The following KLF18 variants were observed in gnomAD, a reference collection of about 807,000 sequenced individuals.
The protein encoded by KLF18 is KLF transcription factor 18, also known as Kruppel-like factor 18.
In KLF18 at chr1:44,139,109, C is replaced by A. The variant is rs984614522; in HGVS notation, c.2523G>T (p.Thr841=). Residue 841 remains threonine (T), a synonymous_variant, in exon 1 of 2, where the codon ACG becomes ACT. Transcript: ENST00000634670. ...SNQTLCGEQV[T]TSTGNQALYG... ...AGAGGGCCTGGTTACCAGTGGAGGT[C>A]GTCACCTGCTCCCCACAGAGGGTCT... 7.7e-6 allele frequency: 3 copies of A among 389,296 alleles called. No homozygotes were observed. Among genetic ancestry groups the A allele is most frequent in the Non-Finnish European group, 1.3e-5 (3 of 223,044 alleles). 24.1% of individuals were successfully genotyped at this position (389,296 alleles called of 1,614,324 possible).
Position 44,141,077 on chromosome 1 carries a change from C to T in KLF18, c.555G>A (p.Gln185=), listed in dbSNP as rs1643236069. ...GGGTCTGGTCACTACTGAAGGTCAC[C>T]TGGTCCCCACAGAGAGTCTGGTTAT... ...LSDNQTLCGD[Q]VTFSSDQTLT... The change falls in exon 1 of 2, where the codon CAG becomes CAA. Residue 185 remains glutamine (Q), a synonymous_variant. Coordinates refer to ENST00000634670, the MANE Select transcript of KLF18 (RefSeq NM_001358438.1). 1.0e-5 allele frequency: 4 copies of T among 398,512 alleles called. No homozygotes were observed. Among genetic ancestry groups the T allele is most frequent in the Non-Finnish European group, 1.8e-5 (4 of 226,088 alleles). The allele number at this position is 398,512 out of a possible 1,614,324, so 24.7% of individuals were successfully genotyped here.
Position 44,140,102 on chromosome 1 carries a change from G to A in KLF18, c.1530C>T (p.Asn510=). ...TCATCTGCTCTCCACAGAGGTTCTG[G>A]TTACCAGTGGAGGTCATCATCTGCC... ...YWGQMMTSTG[N]QNLCGEQMTT... is the part of the protein sequence containing the mutation. The change falls in exon 1 of 2, where the codon AAC becomes AAT. Residue 510 remains asparagine (N), a synonymous_variant. Transcript: ENST00000634670. 1 of 391,910 alleles carries A rather than the reference G, an allele frequency of 2.6e-6. No individual in the cohort carries two copies. 24.3% of individuals were successfully genotyped at this position (391,910 alleles called of 1,614,324 possible). A position where few individuals can be genotyped will look rare whatever the true frequency, so the allele number is the denominator to read the frequency against.
chr1:44,138,284 G>C (rs551740456), intron 1 of KLF18, among the ~76,000 whole-genome samples: 1 of 152,154 alleles, frequency 6.6e-6, no homozygotes, highest in East Asian at 1.9e-4. Flanking sequence ...GCAAGTTAGT[G>C]GGGGGAATAA....
rs935336656 is a variant in KLF18, at chr1:44,137,992, G to A, written c.2988C>T (p.Cys996=). 9 of 398,560 alleles carry A rather than the reference G, an allele frequency of 2.3e-5. No individual in the cohort carries two copies. Among genetic ancestry groups the A allele is most frequent in the South Asian group, 1.3e-4 (1 of 7,856 alleles). The allele number at this position is 398,560 out of a possible 1,614,324, so 24.7% of individuals were successfully genotyped here. ...ATTTCCACGTACATCCCTCTACATC[G>A]CATACATAGGGCTTCTCCCCTGGAC... ...RKHTGEKPYV[C]DVEGCTWKFA... is the part of the protein sequence containing the mutation. The change falls in exon 2 of 2, where the codon TGC becomes TGT. Residue 996 remains cysteine (C), a synonymous_variant. Coordinates refer to ENST00000634670, the MANE Select transcript of KLF18 (RefSeq NM_001358438.1).
Position 44,139,078 on chromosome 1 carries a change from C to T in KLF18, c.2554G>A (p.Gly852Arg). The change falls in exon 1 of 2, where the codon GGG (glycine) becomes AGG (arginine). Residue 852 changes from glycine to arginine, a missense_variant. By Grantham distance (125) the Gly-to-Arg change is moderately radical. Coordinates refer to ENST00000634670, the MANE Select transcript of KLF18 (RefSeq NM_001358438.1). The stretch of plus-strand genomic sequence containing the variant: ...TTACCAGTGGAGGTCATCATCTGCC[C>T]CCCATAGAGGGCCTGGTTACCAGTG... ...TSTGNQALYG[G>R]QMMTSTGNQN... 1 of 384,588 alleles carries T rather than the reference C, an allele frequency of 2.6e-6. No individual in the cohort carries two copies. Among genetic ancestry groups the T allele is most frequent in the Non-Finnish European group, 4.5e-6 (1 of 221,782 alleles). The allele number at this position is 384,588 out of a possible 1,614,324, so 23.8% of individuals were successfully genotyped here.
At position 44,141,016 on chromosome 1, in the gene KLF18, C is replaced by G. The variant is rs1643234897; in HGVS notation, c.616G>C (p.Glu206Gln). Residue 206 changes from glutamate (E) to glutamine (Q), a missense_variant, in exon 1 of 2, where the codon GAG becomes CAG. Transcript: ENST00000634670. ...DGHTVTSGSDETLSGGQMTTS... is the reference protein window; with the variant it reads ...DGHTVTSGSDQTLSGGQMTTS... ...GTCATTTGGCCCCCAGAGAGGGTCT[C>G]ATCGCTACCGGAAGTCACTGTATGA... is the stretch of plus-strand genomic sequence containing the variant. 3 of 398,692 alleles carry G rather than the reference C, an allele frequency of 7.5e-6. No individual in the cohort carries two copies. In the East Asian group the frequency reaches 1.1e-4, roughly 14 times the overall value. 24.7% of individuals were successfully genotyped at this position (398,692 alleles called of 1,614,324 possible).
Position 44,138,724 on chromosome 1 carries a change from C to A in KLF18, c.2908G>T (p.Asp970Tyr). The A allele has an allele frequency of 2.5e-6, 1 of 398,576 alleles. No homozygotes were observed. The highest frequency in any genetic ancestry group is 1.3e-4 in the South Asian group (1 of 7,854). 24.7% of individuals were successfully genotyped at this position (398,576 alleles called of 1,614,324 possible). A position where few individuals can be genotyped will look rare whatever the true frequency, so the allele number is the denominator to read the frequency against. Residue 970 changes from aspartate to tyrosine, a missense_variant, in exon 1 of 2, where the codon GAC (aspartate) becomes TAC (tyrosine). Asp to Tyr is a radical substitution (Grantham distance 160). Transcript: ENST00000634670. ...GCCTTTGAATAAGACATCTTGCAGT[C>A]CTCGTAAGTGCAGACATAGGGCCTT... is the stretch of plus-strand genomic sequence containing the variant. ...VSRPYVCTYE[D>Y]CKMSYSKACH...
Position 44,140,141 on chromosome 1 carries a change from C to G in KLF18, c.1491G>C (p.Gln497His), listed in dbSNP as rs1643223270. The G allele has an allele frequency of 2.6e-6, 1 of 388,386 alleles. No individual in the cohort carries two copies. The highest frequency in any genetic ancestry group is 1.4e-4 in the South Asian group (1 of 7,182). 24.1% of individuals were successfully genotyped at this position (388,386 alleles called of 1,614,324 possible). ...GGQMMTSTGN[Q>H]TLYWGQMMTS... ...TCATCATCTGCCCCCAGTAGAGGGT[C>G]TGGTTACCAGTGGAGGTCATCATCT... The change falls in exon 1 of 2, where the codon CAG becomes CAC. Residue 497 changes from glutamine (Q) to histidine (H), a missense_variant. Physicochemically the swap from Gln to His is conservative, Grantham distance 24. Coordinates refer to ENST00000634670, the MANE Select transcript of KLF18 (RefSeq NM_001358438.1).
chr1:44,139,834 C>T lies in KLF18; in HGVS notation c.1798G>A (p.Glu600Lys), dbSNP rs1643216569. 1 of 378,778 alleles carries T rather than the reference C, an allele frequency of 2.6e-6. No individual in the cohort carries two copies. The highest frequency in any genetic ancestry group is 4.6e-6 in the Non-Finnish European group (1 of 215,298). 23.5% of individuals were successfully genotyped at this position (378,778 alleles called of 1,614,324 possible). ...TTACCAGTGGAGGTCGTCACCTGCT[C>T]CCCACAAAGGGTCTGGTTACTAGTG... is the stretch of plus-strand genomic sequence containing the variant. ...TSTSNQTLCG[E>K]QVTTSTGNQA... The change falls in exon 1 of 2, where the codon GAG (glutamate) becomes AAG (lysine). Residue 600 changes from glutamate (E) to lysine (K), a missense_variant. Glu to Lys is a moderately conservative substitution (Grantham distance 56). Transcript: ENST00000634670.
At position 44,139,298 on chromosome 1, in the gene KLF18, G is replaced by T; in HGVS notation, c.2334C>A (p.Thr778=). 1 of 348,888 alleles carries T rather than the reference G, an allele frequency of 2.9e-6. No individual in the cohort carries two copies. The highest frequency in any genetic ancestry group is 5.1e-6 in the Non-Finnish European group (1 of 196,670). The allele number at this position is 348,888 out of a possible 1,614,324, so 21.6% of individuals were successfully genotyped here. A position where few individuals can be genotyped will look rare whatever the true frequency, so the allele number is the denominator to read the frequency against. ...GQMTTSTSNQ[T]LCGEQMTTPT... is the part of the protein sequence containing the mutation. ...GGGTCGTCATCTGCTCTCCACAGAG[G>T]GTCTGGTTACTAGTAGAGGTCGTCA... The change falls in exon 1 of 2, where the codon ACC becomes ACA. Residue 778 remains threonine (T), a synonymous_variant. Coordinates refer to ENST00000634670, the MANE Select transcript of KLF18 (RefSeq NM_001358438.1).
In KLF18 at chr1:44,139,188, G is replaced by A. The variant is rs1243291015; in HGVS notation, c.2444C>T (p.Ser815Phe). 2.5e-6 allele frequency: 1 copy of A among 396,402 alleles called. No homozygotes were observed. Among genetic ancestry groups the A allele is most frequent in the African/African-American group, 2.1e-5 (1 of 47,864 alleles). 24.6% of individuals were successfully genotyped at this position (396,402 alleles called of 1,614,324 possible). A position where few individuals can be genotyped will look rare whatever the true frequency, so the allele number is the denominator to read the frequency against. ...TCCACAGAGGGTCTGGTTACTAGTG[G>A]AGGTCGTGATCTGCCCCCTGTAGAG... is the stretch of plus-strand genomic sequence containing the variant. ...QALYRGQITTSTSNQTLCGEQ... is the reference protein window; with the variant it reads ...QALYRGQITTFTSNQTLCGEQ... The change falls in exon 1 of 2, where the codon TCC becomes TTC. Residue 815 changes from serine (S) to phenylalanine (F), a missense_variant. Physicochemically the swap from Ser to Phe is radical, Grantham distance 155. Transcript: ENST00000634670.
In KLF18 at chr1:44,141,569, C is replaced by T. The variant is rs182555788; in HGVS notation, c.63G>A (p.Glu21=). 359 of 398,608 alleles carry T rather than the reference C, an allele frequency of 9.0e-4. 1 individual carries two copies. Among genetic ancestry groups the T allele is most frequent in the Non-Finnish European group, 3.1e-4 (69 of 226,120 alleles). 24.7% of individuals were successfully genotyped at this position (398,608 alleles called of 1,614,324 possible). ...EIEKFFQHLS[E]RHTEQAETPD... ...GGGTTTCTGCCTGTTCTGTATGCCG[C>T]TCAGAGAGATGCTGGAAAAATTTCT... is the stretch of plus-strand genomic sequence containing the variant. Residue 21 remains glutamate, a synonymous_variant, in exon 1 of 2, where the codon GAG becomes GAA. Coordinates refer to ENST00000634670, the MANE Select transcript of KLF18 (RefSeq NM_001358438.1).
Position 44,141,459 on chromosome 1 carries a change from A to G in KLF18, c.173T>C (p.Met58Thr). The stretch of plus-strand genomic sequence containing the variant: ...CATCATTGTGGACCCCAAGGGAGGC[A>G]TCGTCTTGCTCTGGGTTGACTCATG... ...SQHESTQSKT[M>T]PPLGSTMMTS... Residue 58 changes from methionine (M) to threonine (T), a missense_variant, in exon 1 of 2, where the codon ATG (methionine) becomes ACG (threonine). Coordinates refer to ENST00000634670, the MANE Select transcript of KLF18 (RefSeq NM_001358438.1). 2.5e-6 allele frequency: 1 copy of G among 398,682 alleles called. No individual in the cohort carries two copies. The highest frequency in any genetic ancestry group is 4.4e-6 in the Non-Finnish European group (1 of 226,172). The allele number at this position is 398,682 out of a possible 1,614,324, so 24.7% of individuals were successfully genotyped here.
In KLF18 at chr1:44,141,236, C is replaced by G. The variant is rs113362634; in HGVS notation, c.396G>C (p.Gln132His). 3.8e-5 allele frequency: 15 copies of G among 398,666 alleles called. No individual in the cohort carries two copies. Among genetic ancestry groups the G allele is most frequent in the African/African-American group, 2.1e-4 (10 of 48,730 alleles). The allele number at this position is 398,666 out of a possible 1,614,324, so 24.7% of individuals were successfully genotyped here. ...TGTTGCTTGCAGTGATGGTTGTCTT[C>G]TGGCAATCAGTGGGTGATGACTTTG... ...VTPKSSPTDC[Q>H]KTTITASNMT... The change falls in exon 1 of 2, where the codon CAG becomes CAC. Residue 132 changes from glutamine (Q) to histidine (H), a missense_variant. Coordinates refer to ENST00000634670, the MANE Select transcript of KLF18 (RefSeq NM_001358438.1).
Position 44,138,798 on chromosome 1 carries a change from G to A in KLF18, c.2834C>T (p.Pro945Leu), listed in dbSNP as rs1643196423. ...CTGGCAGCTCTGTGTCTTCTGTTTT[G>A]GGAGTTGTCCTTGAATCAAATGGGA... ...SSSHLIQGQL[P>L]KQKTQSCQFW... The change falls in exon 1 of 2, where the codon CCA becomes CTA. Residue 945 changes from proline (P) to leucine (L), a missense_variant. Transcript: ENST00000634670. The A allele has an allele frequency of 2.5e-6, 1 of 398,544 alleles. No individual in the cohort carries two copies. The highest frequency in any genetic ancestry group is 4.4e-6 in the Non-Finnish European group (1 of 226,118). The allele number at this position is 398,544 out of a possible 1,614,324, so 24.7% of individuals were successfully genotyped here.
rs1430724640 is a variant in KLF18, at chr1:44,140,727, G to T, written c.905C>A (p.Thr302Asn). The change falls in exon 1 of 2, where the codon ACC (threonine) becomes AAC (asparagine). Residue 302 changes from threonine (T) to asparagine (N), a missense_variant. Transcript: ENST00000634670. ...EQMTTSTSNQTLCGEQVMTST... is the reference protein window; with the variant it reads ...EQMTTSTSNQNLCGEQVMTST... ...GGTCATCACTTGCTCCCCACAGAGG[G>T]TCTGGTTACTAGTGGAGGTTGTCAT... The T allele has an allele frequency of 6.3e-5, 25 of 397,628 alleles. 1 individual carries two copies. In the Admixed American group the frequency reaches 7.5e-4, roughly 12 times the overall value. The allele number at this position is 397,628 out of a possible 1,614,324, so 24.6% of individuals were successfully genotyped here.
chr1:44,141,581 C>A lies in KLF18; in HGVS notation c.51G>T (p.Gln17His), dbSNP rs1284646478. 5.0e-6 allele frequency: 2 copies of A among 398,478 alleles called. No individual in the cohort carries two copies. Among genetic ancestry groups the A allele is most frequent in the Non-Finnish European group, 8.8e-6 (2 of 226,104 alleles). The allele number at this position is 398,478 out of a possible 1,614,324, so 24.7% of individuals were successfully genotyped here. ...GTTCTGTATGCCGCTCAGAGAGATG[C>A]TGGAAAAATTTCTCAATTTCCTCAA... is the stretch of plus-strand genomic sequence containing the variant. ...QAIEEIEKFF[Q>H]HLSERHTEQA... is the part of the protein sequence containing the mutation. The change falls in exon 1 of 2, where the codon CAG (glutamine) becomes CAT (histidine). Residue 17 changes from glutamine (Q) to histidine (H), a missense_variant. Coordinates refer to ENST00000634670, the MANE Select transcript of KLF18 (RefSeq NM_001358438.1).
At chr1:44,138,086 A>C (rs1643179116) in intron 1 of KLF18, 75 bp from the exon 2 acceptor site, 1 of 397,982 alleles carries the variant, frequency 2.5e-6, no homozygotes, top group African/African-American at 2.1e-5. Context: ...AGTGAACAAG[A>C]AAACGTTTTT....
At chr1:44,138,578 A>G (rs1034589004) in intron 1 of KLF18, 86 bp downstream of exon 1, 1 of 397,530 alleles carries the variant, frequency 2.5e-6, no homozygotes, top group Admixed American at 4.4e-5. Flanking sequence ...TCCCTGGCTT[A>G]AAGGAAGTGG....
Sources: allele counts gnomAD v4.1 joint callset (sites outside exome capture counted in the v4.1 genomes callset), GRCh38; gene constraint gnomAD v4.1.1; transcripts MANE v1.5; gene names NCBI Gene and HGNC (gene_info 2026-07-23, HGNC 2026-07-21).